CFAP77: variants seen among roughly 807,000 people sequenced by gnomAD.
CFAP77 encodes the protein cilia and flagella associated protein 77, also known as cilia- and flagella-associated protein 77.
In CFAP77, 25 loss-of-function variants were observed where a neutral mutation model predicts 31.1. The observed-to-expected ratio is 0.80, with a 90% CI of 0.59 to 1.12. The LOEUF (loss-of-function observed/expected upper bound fraction) is 1.12. Among genes scored for constraint, CFAP77 ranks in the 50% most tolerant of loss-of-function variants. CFAP77 has a pLI of 0.00. For synonymous variants in CFAP77, 151 were observed against 159.9 expected (o/e 0.94, Z 0.42); for missense variants, 377 against 397.3 (o/e 0.95, Z 0.44).
intron 4 of CFAP77, among the ~76,000 whole-genome samples, chr9:132,541,179 G>T (rs1852634149): frequency 6.6e-6 from 1 of 152,190 alleles, no homozygotes; most frequent in African/African-American, 2.4e-5. Context: ...TTTGGATGGT[G>T]ATGACCCCAG....
intron 3 of CFAP77, among the ~76,000 whole-genome samples, chr9:132,506,955 C>T (rs948859117): frequency 6.6e-6 from 1 of 152,096 alleles, no homozygotes; most frequent in East Asian, 1.9e-4. Flanking sequence ...AGAGGTGACA[C>T]GGGCAGGGAC....
intron 5 of CFAP77, among the ~76,000 whole-genome samples, chr9:132,549,200 CCT>C (rs1469619015): frequency 2.0e-5 from 3 of 152,208 alleles, no homozygotes; most frequent in Non-Finnish European, 4.4e-5. Context: ...GCCGCCTCTG[CCT>C]CTCCACAAGG....
At chr9:132,521,116 G>A (rs111790633) in intron 3 of CFAP77, among the ~76,000 whole-genome samples, 263 of 152,328 alleles carry the variant, frequency 1.7e-3, no homozygotes, top group African/African-American at 4.2e-3. Flanking sequence ...CTTCCATGGC[G>A]TCTGCCGGCC....
At chr9:132,447,677 G>A (rs1407286160) in intron 1 of CFAP77, among the ~76,000 whole-genome samples, 1 of 152,226 alleles carries the variant, frequency 6.6e-6, no homozygotes, top group African/African-American at 2.4e-5. Flanking sequence ...TACACACTAA[G>A]CTGCTGACAG....
intron 1 of CFAP77, among the ~76,000 whole-genome samples, chr9:132,456,676 A>C (rs888791020): frequency 6.6e-6 from 1 of 152,118 alleles, no homozygotes; most frequent in African/African-American, 2.4e-5. Flanking sequence ...ACAGCATCTC[A>C]AAGAAACCAT....
rs1326595050 is a variant in CFAP77, at chr9:132,424,996, G to A, written c.195+14530G>A. Among the ~76,000 whole-genome samples, 1 of 152,178 alleles carries A rather than the reference G, an allele frequency of 6.6e-6. No individual in the cohort carries two copies. The highest frequency in any genetic ancestry group is 2.4e-5 in the African/African-American group (1 of 41,442). On this transcript the variant is annotated intron_variant, in intron 1 of 5. Transcript: ENST00000393216. This position sits in a 1 kb window ranked among gnomAD's most constrained non-coding sequence, Gnocchi z 4.1. ...CAGTTAGTTAGCATTTAGATAGACT[G>A]GGACTGGGGCCCACACAATAGGCAT...
chr9:132,484,076 A>G (rs989849570), intron 1 of CFAP77, among the ~76,000 whole-genome samples: 1 of 151,630 alleles, frequency 6.6e-6, no homozygotes, highest in Non-Finnish European at 1.5e-5. Context: ...AGCTGGAATT[A>G]CAAGTTTCCA....
At chr9:132,439,717 C>G (rs913493648) in intron 1 of CFAP77, among the ~76,000 whole-genome samples, 4 of 151,886 alleles carry the variant, frequency 2.6e-5, no homozygotes, top group Admixed American at 6.6e-5. Context: ...GGCGTGGTGG[C>G]GGGCGCCTGT....
At chr9:132,457,697 G>C (rs1019602844) in intron 1 of CFAP77, among the ~76,000 whole-genome samples, 1 of 152,214 alleles carries the variant, frequency 6.6e-6, no homozygotes, top group Non-Finnish European at 1.5e-5. Flanking sequence ...GGGCCGTGGG[G>C]AGCGTTCCGC....
At chr9:132,459,587 G>GTATATA (rs35659490) in intron 1 of CFAP77, among the ~76,000 whole-genome samples, 1 of 151,470 alleles carries the variant, frequency 6.6e-6, no homozygotes, top group Non-Finnish European at 1.5e-5. Flanking sequence ...GTATGTGTAT[G>GTATATA]TATATATATA....
rs527665293 is a variant in CFAP77, at chr9:132,501,985, G to C, written c.524+2385G>C. 2.6e-5 allele frequency among the ~76,000 whole-genome samples: 4 copies of C among 152,296 alleles called. No homozygotes were observed. In the East Asian group the frequency reaches 7.7e-4, roughly 29 times the overall value. On this transcript the variant is annotated intron_variant, in intron 3 of 5. Coordinates refer to ENST00000393216, the MANE Select transcript of CFAP77 (RefSeq NM_001282957.2). This position sits in a 1 kb window ranked among gnomAD's most constrained non-coding sequence, Gnocchi z 4.6. ...CCCTTTCTACCTCACTACACAAGCT[G>C]GTCATTAGCACAAAAATGACCAATA... is the stretch of plus-strand genomic sequence containing the variant.
At chr9:132,421,040 C>T (rs1247239688) in intron 1 of CFAP77, among the ~76,000 whole-genome samples, 2 of 126,032 alleles carry the variant, frequency 1.6e-5, no homozygotes, top group African/African-American at 6.1e-5. Flanking sequence ...CAGAGTCTCG[C>T]TTTGTCACCC....
At chr9:132,469,513 G>A (rs1350054335) in intron 1 of CFAP77, among the ~76,000 whole-genome samples, 7 of 152,128 alleles carry the variant, frequency 4.6e-5, no homozygotes, top group African/African-American at 1.2e-4. Context: ...AAAATACCAC[G>A]GCAGCTGAAC....
intron 3 of CFAP77, among the ~76,000 whole-genome samples, chr9:132,508,727 C>T (rs1318577361): frequency 6.6e-6 from 1 of 152,148 alleles, no homozygotes; most frequent in Non-Finnish European, 1.5e-5. Context: ...TCTGGGCCCC[C>T]ACTGAGTGAC....
chr9:132,571,470 G>A (rs1292159771), intron 5 of CFAP77, among the ~76,000 whole-genome samples: 2 of 152,146 alleles, frequency 1.3e-5, no homozygotes, highest in South Asian at 2.1e-4. Flanking sequence ...ACTGCTGGAT[G>A]TCTGCTCTCC....
intron 1 of CFAP77, among the ~76,000 whole-genome samples, chr9:132,438,322 A>G (rs1850546503): frequency 6.7e-6 from 1 of 150,178 alleles, no homozygotes; most frequent in East Asian, 1.9e-4. Flanking sequence ...TGATGTTCCT[A>G]TTTTACATTT....
chr9:132,425,635 C>T (rs995834597), intron 1 of CFAP77, among the ~76,000 whole-genome samples: 12 of 151,896 alleles, frequency 7.9e-5, no homozygotes, highest in Admixed American at 6.6e-4. Context: ...AACTAGGCGC[C>T]GAGTGTGATT....
rs1010605186 is a variant in CFAP77, at chr9:132,459,801, ATGTG to A, written c.196-38890_196-38887del. Among the ~76,000 whole-genome samples the A allele has an allele frequency of 3.3e-4, 48 of 145,372 alleles. 1 individual carries two copies. The highest frequency in any genetic ancestry group is 3.2e-3 in the Admixed American group (46 of 14,472). On this transcript the variant is annotated intron_variant, in intron 1 of 5. Coordinates refer to ENST00000393216, the MANE Select transcript of CFAP77 (RefSeq NM_001282957.2). ...GAGAGCGTGTGTGTATGTGAGAGCGATGTGTGTATGTGTGTGTATGAGTGTGCGT... is the reference window on the plus strand; with the variant it reads ...GAGAGCGTGTGTGTATGTGAGAGCGATGTATGTGTGTGTATGAGTGTGCGT...
intron 1 of CFAP77, among the ~76,000 whole-genome samples, chr9:132,476,839 C>T (rs1851353605): frequency 6.6e-6 from 1 of 152,162 alleles, no homozygotes; most frequent in South Asian, 2.1e-4. Context: ...CAGAAGGAAC[C>T]ACTGCTGCTA....
Sources: gnomAD v4.1 joint callset for allele counts (sites outside exome capture counted in the v4.1 genomes callset) on GRCh38, gnomAD v4.1.1 for gene constraint, Gnocchi (gnomAD v3.1) non-coding constraint, MANE v1.5 for transcripts, NCBI Gene and HGNC (gene_info 2026-07-23, HGNC 2026-07-21) for gene names.